PDGFRL: variants seen among roughly 807,000 people sequenced by gnomAD.
The protein encoded by PDGFRL is platelet-derived growth factor receptor-like protein.
A neutral mutation model predicts 37.2 loss-of-function variants in PDGFRL; 46 were observed. The ratio of observed to expected loss-of-function variants is 1.24; its 90% CI spans 0.98 to 1.58. The LOEUF (loss-of-function observed/expected upper bound fraction) is 1.58. PDGFRL is among the 40% of genes most tolerant of loss of function. PDGFRL has a pLI of 0.00. For synonymous variants in PDGFRL, 251 were observed against 184.3 expected, an observed-to-expected ratio of 1.36 and a Z score of -2.93; for missense variants, 692 against 467.6, an observed-to-expected ratio of 1.48 and a Z score of -4.43.
At chr8:17,637,207 C>T (rs1011453750) in intron 5 of PDGFRL, among the ~76,000 whole-genome samples, 3 of 152,168 alleles carry the variant, frequency 2.0e-5, no homozygotes, top group Admixed American at 2.0e-4. Context: ...ATGCTTTCAA[C>T]TTTTTCCCAT....
At chr8:17,579,736 C>G (rs1042992207) in intron 1 of PDGFRL, among the ~76,000 whole-genome samples, 3 of 151,974 alleles carry the variant, frequency 2.0e-5, no homozygotes, top group African/African-American at 7.3e-5. Context: ...GGGTGAACAT[C>G]TGGCCTGTGA....
intron 5 of PDGFRL, among the ~76,000 whole-genome samples, chr8:17,641,333 C>G (rs541033142): frequency 2.0e-5 from 3 of 152,352 alleles, no homozygotes; most frequent in Non-Finnish European, 2.9e-5. Flanking sequence ...AAAATTGTTA[C>G]AAAGTTCAGC....
At chr8:17,579,047 A>C (rs112366615) in intron 1 of PDGFRL, among the ~76,000 whole-genome samples, 2 of 151,994 alleles carry the variant, frequency 1.3e-5, no homozygotes, top group African/African-American at 4.8e-5. Context: ...AAAATATAAA[A>C]ATTAGCCGGG....
chr8:17,628,474 C>G lies in PDGFRL; in HGVS notation c.506-13C>G. Reference sequence around the variant, plus strand: ...CCGGAGTGAATAAGCCTGTGTCTTCCTTCCCTTTGCAGAGAAAGGAGAACT... The same window carrying G: ...CCGGAGTGAATAAGCCTGTGTCTTCGTTCCCTTTGCAGAGAAAGGAGAACT... On this transcript the variant is annotated splice_polypyrimidine_tract_variant and intron_variant, in intron 3 of 5. Transcript: ENST00000251630. 6.2e-7 allele frequency: 1 copy of G among 1,609,974 alleles called. No homozygotes were observed. The highest frequency in any genetic ancestry group is 1.1e-5 in the South Asian group (1 of 90,982).
chr8:17,641,115 C>T (rs935325070), intron 5 of PDGFRL, among the ~76,000 whole-genome samples: 1 of 152,172 alleles, frequency 6.6e-6, no homozygotes. Flanking sequence ...CGGTCTCACT[C>T]CCTCTGTCCC....
intron 1 of PDGFRL, among the ~76,000 whole-genome samples, chr8:17,581,559 G>T (rs543897499): frequency 6.6e-6 from 1 of 152,144 alleles, no homozygotes; most frequent in East Asian, 1.9e-4. Flanking sequence ...GGAGGTGTTT[G>T]GGCCTTGGGG....
chr8:17,619,104 G>A (rs1208361041), intron 2 of PDGFRL, among the ~76,000 whole-genome samples: 1 of 152,156 alleles, frequency 6.6e-6, no homozygotes, highest in Non-Finnish European at 1.5e-5. Context: ...ATGTAAACTG[G>A]TCACGGTATT....
At position 17,616,169 on chromosome 8, in the gene PDGFRL, A is replaced by ATTTAT. The variant is rs370794514; in HGVS notation, c.354-4880_354-4879insTATTT. Among the ~76,000 whole-genome samples, 12 of 144,214 alleles carry ATTTAT rather than the reference A, an allele frequency of 8.3e-5. No homozygotes were observed. In the East Asian group the frequency reaches 8.4e-4, roughly 10 times the overall value. The allele number at this position is 144,214 out of a possible 152,430, so 94.6% of individuals were successfully genotyped here. ...TCCATGATTTTATTTTATTATTGTT[A>ATTTAT]TTATTTATTTATTTATTTATTTATT... On this transcript the variant is annotated intron_variant, in intron 2 of 5. Coordinates refer to ENST00000251630, the MANE Select transcript of PDGFRL (RefSeq NM_001372073.1).
upstream of PDGFRL, chr8:17,576,449 C>G (rs1439217925): frequency 1.3e-5 from 2 of 153,046 alleles, no homozygotes; most frequent in South Asian, 2.0e-4. Flanking sequence ...GCCTTGTTAT[C>G]AGAGGAGCGA....
intron 3 of PDGFRL, among the ~76,000 whole-genome samples, chr8:17,627,991 T>TG: frequency 1.1e-5 from 1 of 94,740 alleles, no homozygotes; most frequent in Non-Finnish European, 2.0e-5. Flanking sequence ...CTTTCTTTCT[T>TG]TTTTTTTTTT....
chr8:17,607,092 C>T lies in PDGFRL; in HGVS notation c.354-13959C>T, dbSNP rs2299576. Among the ~76,000 whole-genome samples the T allele has an allele frequency of 7.6e-4, 116 of 151,930 alleles. 1 individual carries two copies. The South Asian group carries it at 1.0e-2, about 13-fold the overall frequency. On this transcript the variant is annotated intron_variant, in intron 2 of 5. Transcript: ENST00000251630. ...TGTATTTTGATTGGAAATGGGGTTT[C>T]CTCATGTTGGCCAGGCTGGTCTCAA...
At chr8:17,585,176 C>A (rs1401125130) in intron 1 of PDGFRL, among the ~76,000 whole-genome samples, 9 of 152,100 alleles carry the variant, frequency 5.9e-5, no homozygotes, top group Non-Finnish European at 1.2e-4. Context: ...AGGTCACGTT[C>A]GTGGCCATCT....
chr8:17,641,315 G>A (rs1162102609), intron 5 of PDGFRL, among the ~76,000 whole-genome samples: 3 of 152,218 alleles, frequency 2.0e-5, no homozygotes, highest in African/African-American at 7.2e-5. Flanking sequence ...AGGAAACTGT[G>A]TTTGGTCAAA....
At chr8:17,604,494 C>A (rs1216319408) in intron 2 of PDGFRL, among the ~76,000 whole-genome samples, 1 of 151,800 alleles carries the variant, frequency 6.6e-6, no homozygotes, top group Non-Finnish European at 1.5e-5. Context: ...GACAAAAAAC[C>A]AAACACTGCA....
At chr8:17,614,863 C>T (rs531680910) in intron 2 of PDGFRL, among the ~76,000 whole-genome samples, 2 of 152,248 alleles carry the variant, frequency 1.3e-5, no homozygotes, top group South Asian at 2.1e-4. Flanking sequence ...GTTGTTTGAA[C>T]TGAGCTTCAA....
intron 1 of PDGFRL, among the ~76,000 whole-genome samples, 176 bp from the exon 2 acceptor site, chr8:17,589,292 A>C (rs1231122614): frequency 6.6e-6 from 1 of 152,144 alleles, no homozygotes; most frequent in Non-Finnish European, 1.5e-5. Context: ...GTGCTCAGGC[A>C]AGAGAATCAC....
intron 3 of PDGFRL, among the ~76,000 whole-genome samples, chr8:17,626,696 C>A (rs1433456788): frequency 6.6e-6 from 1 of 152,060 alleles, no homozygotes; most frequent in Non-Finnish European, 1.5e-5. Flanking sequence ...TATTCCCTCA[C>A]AGAATGATCC....
chr8:17,619,583 C>T (rs1000028112), intron 2 of PDGFRL, among the ~76,000 whole-genome samples: 1 of 152,156 alleles, frequency 6.6e-6, no homozygotes, highest in African/African-American at 2.4e-5. Flanking sequence ...ACCTTATCAG[C>T]CAATGCGTTT....
rs77726733 is a variant in PDGFRL, at chr8:17,615,103, C to T, written c.354-5948C>T. 8.0e-3 allele frequency among the ~76,000 whole-genome samples: 1,221 copies of T among 152,302 alleles called. 18 individuals carry two copies. The highest frequency in any genetic ancestry group is 0.027 in the African/African-American group (1,128 of 41,554). On this transcript the variant is annotated intron_variant, in intron 2 of 5. Transcript: ENST00000251630. ...TATAAGTCTCATCATTGCCATCTCACGGGATTGAGAAAAAGTAAAGTGTCT... is the reference window on the plus strand; with the variant it reads ...TATAAGTCTCATCATTGCCATCTCATGGGATTGAGAAAAAGTAAAGTGTCT...
Sources: gnomAD v4.1 joint callset for allele counts (sites outside exome capture counted in the v4.1 genomes callset) on GRCh38, gnomAD v4.1.1 for gene constraint, MANE v1.5 for transcripts, NCBI Gene and HGNC (gene_info 2026-07-23, HGNC 2026-07-21) for gene names.